HRK: variants seen among roughly 807,000 people sequenced by gnomAD.
The protein encoded by HRK is activator of apoptosis harakiri.
In HRK, 6 loss-of-function variants were observed where a neutral mutation model predicts 5.9. The ratio of observed to expected loss-of-function variants is 1.02; its 90% CI spans 0.56 to 2.01. The LOEUF is 2.01. Ranked by LOEUF, HRK falls within the 30% of genes most tolerant of loss-of-function variation. The probability of loss-of-function intolerance (pLI) is 0.00; values close to 1 mark genes in which losing one functional copy is unlikely to be tolerated. For missense variants in HRK, 133 were observed against 128.3 expected (o/e 1.04, Z -0.18); for synonymous variants, 85 against 65.1 (o/e 1.31, Z -1.47).
intron 1 of HRK, among the ~76,000 whole-genome samples, chr12:116,868,968 G>GT (rs34491902): frequency 0.29 from 41,879 of 146,098 alleles, 6,603 homozygotes; most frequent in African/African-American, 0.44. Context: ...CTTCTTCTTC[G>GT]TTTTTTTTTT....
chr12:116,865,775 T>C (rs1390726051), intron 1 of HRK, among the ~76,000 whole-genome samples: 3 of 152,150 alleles, frequency 2.0e-5, no homozygotes, highest in Admixed American at 6.5e-5. Flanking sequence ...TTTCCTACCA[T>C]TAGGTTCCCA....
rs978103262 is a variant in HRK at position 116,856,161 on chromosome 12, T to G, written c.*5362A>C. ...TCTTTGGCTAGAAGTGCACAATCAGTTTTTTAATAAAGTCATTACAAATAT... is the reference window on the plus strand; with the variant it reads ...TCTTTGGCTAGAAGTGCACAATCAGGTTTTTAATAAAGTCATTACAAATAT... On this transcript the variant is annotated 3_prime_UTR_variant, in exon 2 of 2. Transcript: ENST00000257572. The surrounding 1 kb of genome is among the most constrained non-coding windows in gnomAD (Gnocchi z 4.4). 1 of 152,062 alleles carries G rather than the reference T, an allele frequency of 6.6e-6. No homozygotes were observed. The highest frequency in any genetic ancestry group is 1.5e-5 in the Non-Finnish European group (1 of 68,004). The allele number at this position is 152,062 out of a possible 1,614,324, so 9.4% of individuals were successfully genotyped here. A position where few individuals can be genotyped will look rare whatever the true frequency, so the allele number is the denominator to read the frequency against.
chr12:116,877,623 G>T (rs1878984518), intron 1 of HRK, among the ~76,000 whole-genome samples: 1 of 152,184 alleles, frequency 6.6e-6, no homozygotes, highest in African/African-American at 2.4e-5. Flanking sequence ...AAGAATGATA[G>T]TAAATGCACA....
intron 1 of HRK, among the ~76,000 whole-genome samples, chr12:116,875,759 G>A (rs914405657): frequency 6.6e-6 from 1 of 152,006 alleles, no homozygotes; most frequent in South Asian, 2.1e-4. Flanking sequence ...GGCCAGGCAG[G>A]TCTCGAACTC....
At chr12:116,867,188 C>T (rs1206931326) in intron 1 of HRK, among the ~76,000 whole-genome samples, 1 of 150,622 alleles carries the variant, frequency 6.6e-6, no homozygotes, top group East Asian at 2.0e-4. Flanking sequence ...ATTGCCCAGG[C>T]TGGAGTGCAA....
chr12:116,877,760 C>A (rs1444910828), intron 1 of HRK, among the ~76,000 whole-genome samples: 1 of 152,256 alleles, frequency 6.6e-6, no homozygotes, highest in Non-Finnish European at 1.5e-5. Flanking sequence ...TTTTTGCCCC[C>A]ATTTTACATA....
In HRK at chr12:116,871,092, TTTTTGTTTTGTTTTG is replaced by T. The variant is rs57267390; in HGVS notation, c.*57-9641_*57-9627del. Among the ~76,000 whole-genome samples, 319 of 148,458 alleles carry T rather than the reference TTTTTGTTTTGTTTTG, an allele frequency of 2.1e-3. 2 individuals carry two copies. The highest frequency in any genetic ancestry group is 6.4e-3 in the South Asian group (30 of 4,662). On this transcript the variant is annotated intron_variant, in intron 1 of 1. Coordinates refer to ENST00000257572, the MANE Select transcript of HRK (RefSeq NM_003806.4). ...CGCCACCACGCCCAGCTAATTTTTG[TTTTTGTTTTGTTTTG>T]TTTTGTTTTGTTTTGTTTTGTTTTG...
intron 1 of HRK, among the ~76,000 whole-genome samples, chr12:116,871,669 C>T (rs1878758140): frequency 6.6e-6 from 1 of 151,022 alleles, no homozygotes; most frequent in African/African-American, 2.4e-5. Context: ...CTCTGTCGCC[C>T]AGGTTGGAGT....
At chr12:116,868,253 G>GCTAAAATACCTGA (rs1565883264) in intron 1 of HRK, among the ~76,000 whole-genome samples, 1 of 151,468 alleles carries the variant, frequency 6.6e-6, no homozygotes, top group African/African-American at 2.4e-5. Context: ...ACCACGCCTG[G>GCTAAAATACCTGA]CTAAAATGCC....
At chr12:116,866,591 GC>G (rs1227073505) in intron 1 of HRK, among the ~76,000 whole-genome samples, 1 of 152,096 alleles carries the variant, frequency 6.6e-6, no homozygotes, top group East Asian at 1.9e-4. Flanking sequence ...GAAGGAAGAG[GC>G]CATTTGGCAG....
chr12:116,861,172 G>A lies in HRK; in HGVS notation c.*351C>T, dbSNP rs1391349406. On this transcript the variant is annotated 3_prime_UTR_variant, in exon 2 of 2. Coordinates refer to ENST00000257572, the MANE Select transcript of HRK (RefSeq NM_003806.4). ...AGAATATCAAAGTTCACATCGCAAGGTGCAGAAAAGGAAGGCAACCACGTC... is the reference window on the plus strand; with the variant it reads ...AGAATATCAAAGTTCACATCGCAAGATGCAGAAAAGGAAGGCAACCACGTC... 6.6e-6 allele frequency: 1 copy of A among 152,188 alleles called. No individual in the cohort carries two copies. Among genetic ancestry groups the A allele is most frequent in the Admixed American group, 6.5e-5 (1 of 15,268 alleles). 9.4% of individuals were successfully genotyped at this position (152,188 alleles called of 1,614,324 possible).
In HRK at chr12:116,879,918, G is replaced by T. The variant is rs57654988; in HGVS notation, c.*56+1058C>A. Among the ~76,000 whole-genome samples, 4,095 of 152,284 alleles carry T rather than the reference G, an allele frequency of 0.027. 181 individuals are homozygous for T. Among genetic ancestry groups the T allele is most frequent in the African/African-American group, 0.093 (3,877 of 41,554 alleles). On this transcript the variant is annotated intron_variant, in intron 1 of 1. Transcript: ENST00000257572. The surrounding 1 kb of genome is among the most constrained non-coding windows in gnomAD (Gnocchi z 5.6). ...ACCTTCCGGCCCTAGACCCATCTAT[G>T]GTGGGCTCAGCCTGATTCTCTCTCC...
Position 116,856,877 on chromosome 12 carries a change from T to C in HRK, c.*4646A>G, listed in dbSNP as rs545850863. On this transcript the variant is annotated 3_prime_UTR_variant, in exon 2 of 2. Coordinates refer to ENST00000257572, the MANE Select transcript of HRK (RefSeq NM_003806.4). This position sits in a 1 kb window ranked among gnomAD's most constrained non-coding sequence, Gnocchi z 4.4. ...TAAAATGGGAATGCTAACAGTACTA[T>C]CTGCTAAAGTGGGCATGAGGCATCG... The C allele has an allele frequency of 5.2e-5, 8 of 152,390 alleles. No homozygotes were observed. Among genetic ancestry groups the C allele is most frequent in the African/African-American group, 1.4e-4 (6 of 41,582 alleles). The allele number at this position is 152,390 out of a possible 1,614,324, so 9.4% of individuals were successfully genotyped here.
intron 1 of HRK, among the ~76,000 whole-genome samples, chr12:116,866,739 C>T (rs768180859): frequency 1.4e-4 from 21 of 152,126 alleles, no homozygotes; most frequent in African/African-American, 3.6e-4. Context: ...TAGGAACTTA[C>T]GGCAGGTGGG....
chr12:116,866,390 C>CAAAA lies in HRK; in HGVS notation c.*57-4928_*57-4925dup, dbSNP rs965013066. Among the ~76,000 whole-genome samples, 345 of 54,816 alleles carry CAAAA rather than the reference C, an allele frequency of 6.3e-3. 2 individuals carry two copies. The highest frequency in any genetic ancestry group is 0.011 in the Admixed American group (53 of 4,840). 36.0% of individuals were successfully genotyped at this position (54,816 alleles called of 152,430 possible). On this transcript the variant is annotated intron_variant, in intron 1 of 1. Transcript: ENST00000257572. ...TGGACAATATAGCAAGACCCTGTCT[C>CAAAA]AAAAAAAAAAAAAAAAAAAGACTTG...
At chr12:116,871,967 T>C (rs1878770157) in intron 1 of HRK, among the ~76,000 whole-genome samples, 1 of 151,972 alleles carries the variant, frequency 6.6e-6, no homozygotes, top group South Asian at 2.1e-4. Flanking sequence ...TCTGCCCAGG[T>C]TGGAGTACAG....
chr12:116,877,462 A>C (rs907595528), intron 1 of HRK, among the ~76,000 whole-genome samples: 1 of 152,192 alleles, frequency 6.6e-6, no homozygotes, highest in Non-Finnish European at 1.5e-5. Flanking sequence ...TTCTTTCTCA[A>C]GGTCACGCTG....
At chr12:116,868,939 G>C (rs1260494358) in intron 1 of HRK, among the ~76,000 whole-genome samples, 1 of 150,552 alleles carries the variant, frequency 6.6e-6, no homozygotes, top group Non-Finnish European at 1.5e-5. Flanking sequence ...ATACTATAAA[G>C]ATGGGCCCAT....
Position 116,881,438 on chromosome 12 carries a change from G to A in HRK, c.-131C>T, listed in dbSNP as rs533425450. On this transcript the variant is annotated 5_prime_UTR_variant, in exon 1 of 2. Transcript: ENST00000257572. Reference sequence around the variant, plus strand: ...TGGACACCAAGTTTCTCCTTGTGTTGTGCGTTTGTTGTGCTGACGGCGCTA... The same window carrying A: ...TGGACACCAAGTTTCTCCTTGTGTTATGCGTTTGTTGTGCTGACGGCGCTA... 2.9e-4 allele frequency: 231 copies of A among 808,886 alleles called. 7 individuals are homozygous for A. In the East Asian group the frequency reaches 0.022, roughly 76 times the overall value. 50.1% of individuals were successfully genotyped at this position (808,886 alleles called of 1,614,324 possible).
Sources: allele counts gnomAD v4.1 joint callset (sites outside exome capture counted in the v4.1 genomes callset), GRCh38; gene constraint gnomAD v4.1.1; non-coding constraint Gnocchi (gnomAD v3.1); transcripts MANE v1.5; gene names NCBI Gene and HGNC (gene_info 2026-07-23, HGNC 2026-07-21).